Variants in EPHB2 observed in about 807,000 individuals in gnomAD.
EPHB2 encodes the protein EPH receptor B2, also known as ephrin type-B receptor 2.
A neutral mutation model predicts 96.4 loss-of-function variants in EPHB2; 18 were observed. The observed-to-expected ratio is 0.19, with a 90% confidence interval of 0.13 to 0.28. The LOEUF (loss-of-function observed/expected upper bound fraction) is 0.28, where lower values mean the gene tolerates loss of function less well. Ranked by LOEUF, EPHB2 falls within the 10% of genes least tolerant of loss-of-function variation. The pLI, the probability that EPHB2 is intolerant of heterozygous loss-of-function variation, is 1.00. For missense variants in EPHB2, 989 were observed against 1,355.4 expected (o/e 0.73, Z 4.25); for synonymous variants, 506 against 534.1 (o/e 0.95, Z 0.72).
At chr1:22,778,405 TC>T (rs1304636874) in intron 1 of EPHB2, among the ~76,000 whole-genome samples, 3 of 152,198 alleles carry the variant, frequency 2.0e-5, no homozygotes, top group African/African-American at 7.2e-5. Flanking sequence ...AGAGCCCAGG[TC>T]TGTCTGCTCT....
At chr1:22,897,002 G>A (rs991626242) in intron 9 of EPHB2, among the ~76,000 whole-genome samples, 1 of 152,216 alleles carries the variant, frequency 6.6e-6, no homozygotes, top group Admixed American at 6.5e-5. Context: ...CCCAGGAGGT[G>A]AGAAAAGCAG....
chr1:22,877,296 CAG>C (rs564425236), intron 5 of EPHB2, among the ~76,000 whole-genome samples: 384 of 152,340 alleles, frequency 2.5e-3, no homozygotes, highest in Non-Finnish European at 2.9e-3. Flanking sequence ...ATGGGTATAA[CAG>C]TAATACCAGC....
At chr1:22,765,041 C>A (rs1468829795) in intron 1 of EPHB2, among the ~76,000 whole-genome samples, 1 of 152,138 alleles carries the variant, frequency 6.6e-6, no homozygotes, top group Non-Finnish European at 1.5e-5. Context: ...GTGCTGAGGG[C>A]TGCTTGTGGG....
intron 6 of EPHB2, among the ~76,000 whole-genome samples, chr1:22,886,792 A>G (rs1639240184): frequency 6.6e-6 from 1 of 151,660 alleles, no homozygotes; most frequent in Non-Finnish European, 1.5e-5. Flanking sequence ...ATGCCCGGCT[A>G]ATTTTGTATT....
intron 1 of EPHB2, among the ~76,000 whole-genome samples, chr1:22,712,243 T>A (rs945786947): frequency 6.6e-6 from 1 of 152,138 alleles, no homozygotes; most frequent in Non-Finnish European, 1.5e-5. Context: ...TTCTGAAAAG[T>A]CCGATGTCTC....
At position 22,912,636 on chromosome 1, in the gene EPHB2, C is replaced by A. The variant is rs559536830; in HGVS notation, c.2852+37C>A. On this transcript the variant is annotated intron_variant, in intron 15 of 15. Transcript: ENST00000374630. ...GCCACTTCTGCTTGTCACCTTAGCA[C>A]CCCCTCTCCACCGGCCCCACCAGCC... 26 of 1,610,610 alleles carry A rather than the reference C, an allele frequency of 1.6e-5. No homozygotes were observed. The African/African-American group carries it at 2.7e-4, about 17-fold the overall frequency.
At chr1:22,749,163 G>A (rs1421771814) in intron 1 of EPHB2, among the ~76,000 whole-genome samples, 2 of 151,892 alleles carry the variant, frequency 1.3e-5, no homozygotes, top group African/African-American at 2.4e-5. Context: ...TGGGACTACA[G>A]GCAGGTGCCA....
At chr1:22,729,859 T>A (rs1405948316) in intron 1 of EPHB2, among the ~76,000 whole-genome samples, 1 of 152,262 alleles carries the variant, frequency 6.6e-6, no homozygotes, top group African/African-American at 2.4e-5. Context: ...GGGCCTAGCA[T>A]AGCGCCCAGC....
At chr1:22,840,195 T>C (rs1349524936) in intron 3 of EPHB2, among the ~76,000 whole-genome samples, 1 of 152,200 alleles carries the variant, frequency 6.6e-6, no homozygotes, top group Non-Finnish European at 1.5e-5. Context: ...AGGGATGTTA[T>C]AAGGATTAAA....
intron 4 of EPHB2, 46 bp downstream of exon 4, chr1:22,863,238 G>T: frequency 6.2e-7 from 1 of 1,613,362 alleles, no homozygotes; most frequent in Middle Eastern, 1.7e-4. Context: ...CGAGTCCCAG[G>T]TCTACCTGCA....
chr1:22,712,180 G>A (rs1430295986), intron 1 of EPHB2, among the ~76,000 whole-genome samples: 4 of 152,214 alleles, frequency 2.6e-5, no homozygotes, highest in Non-Finnish European at 4.4e-5. Flanking sequence ...ACCTTCCGGG[G>A]AAGACAGGTA....
chr1:22,823,782 T>C (rs1347194397), intron 3 of EPHB2, among the ~76,000 whole-genome samples: 1 of 152,262 alleles, frequency 6.6e-6, no homozygotes, highest in Non-Finnish European at 1.5e-5. Flanking sequence ...CATCTCTGTT[T>C]TCCTTCTCTA....
intron 1 of EPHB2, among the ~76,000 whole-genome samples, chr1:22,741,901 A>G (rs902349506): frequency 2.0e-5 from 3 of 151,920 alleles, no homozygotes; most frequent in Non-Finnish European, 4.4e-5. Context: ...ACCTGCCCCC[A>G]ATGGGGAAGT....
chr1:22,714,231 G>T (rs754660931), intron 1 of EPHB2, among the ~76,000 whole-genome samples: 1 of 152,104 alleles, frequency 6.6e-6, no homozygotes, highest in Non-Finnish European at 1.5e-5. Flanking sequence ...TGAACCCCCC[G>T]GGGCGGCAGG....
At chr1:22,778,237 G>A (rs1644479602) in intron 1 of EPHB2, among the ~76,000 whole-genome samples, 1 of 152,122 alleles carries the variant, frequency 6.6e-6, no homozygotes, top group African/African-American at 2.4e-5. Context: ...TGTTGGCCAG[G>A]CTTGTCTCGA....
At chr1:22,830,934 A>G (rs1645295253) in intron 3 of EPHB2, among the ~76,000 whole-genome samples, 1 of 152,228 alleles carries the variant, frequency 6.6e-6, no homozygotes, top group African/African-American at 2.4e-5. Flanking sequence ...CAGGTAGGAA[A>G]ACAGAGGCTC....
chr1:22,748,241 A>AATATTCCTT (rs1644005676), intron 1 of EPHB2, among the ~76,000 whole-genome samples: 1 of 152,126 alleles, frequency 6.6e-6, no homozygotes, highest in African/African-American at 2.4e-5. Flanking sequence ...TGTTATTCTT[A>AATATTCCTT]ATATTCCTTC....
intron 5 of EPHB2, among the ~76,000 whole-genome samples, chr1:22,871,702 T>C (rs991915556): frequency 3.9e-5 from 6 of 152,198 alleles, no homozygotes; most frequent in Non-Finnish European, 5.9e-5. Flanking sequence ...ACATTTATTA[T>C]CTTATTGTTC....
Position 22,784,367 on chromosome 1 carries a change from C to T in EPHB2, c.127-25C>T. On this transcript the variant is annotated intron_variant, in intron 2 of 15. Coordinates refer to ENST00000374630, the MANE Select transcript of EPHB2 (RefSeq NM_017449.5). The surrounding 1 kb of genome is among the most constrained non-coding windows in gnomAD (Gnocchi z 5.1). ...TGCTGGGGCTGAGCCCTTACCTCCC[C>T]ACCTGACGAGCATTTTACCCACAGT... 3 of 1,612,942 alleles carry T rather than the reference C, an allele frequency of 1.9e-6. No homozygotes were observed. Among genetic ancestry groups the T allele is most frequent in the Non-Finnish European group, 2.5e-6 (3 of 1,179,256 alleles).
Sources: allele counts gnomAD v4.1 joint callset (sites outside exome capture counted in the v4.1 genomes callset), GRCh38; gene constraint gnomAD v4.1.1; non-coding constraint Gnocchi (gnomAD v3.1); transcripts MANE v1.5; gene names NCBI Gene and HGNC (gene_info 2026-07-23, HGNC 2026-07-21).